Variants in SLC25A21 observed in about 807,000 individuals in gnomAD.
SLC25A21 encodes the protein mitochondrial 2-oxodicarboxylate carrier.
SLC25A21 carries 47 observed loss-of-function variants against 43.8 expected under a neutral mutation model. That is an observed-to-expected ratio of 1.07 (90% confidence interval 0.85 to 1.37). SLC25A21 has a LOEUF of 1.37. Among genes scored for constraint, SLC25A21 ranks in the 40% most tolerant of loss-of-function variants. The pLI is 0.00. For synonymous variants in SLC25A21, 131 were observed against 121.3 expected (o/e 1.08, Z -0.52); for missense variants, 352 against 350.2 (o/e 1.00, Z -0.04).
At chr14:36,759,536 T>C (rs1231605759) in intron 3 of SLC25A21, 1 of 152,188 alleles carries the variant, frequency 6.6e-6, no homozygotes, top group East Asian at 1.9e-4. Context: ...ACAAGTGAGC[T>C]CTCCTTGGCC....
chr14:37,040,562 A>T (rs910107353), intron 1 of SLC25A21, among the ~76,000 whole-genome samples: 4 of 151,790 alleles, frequency 2.6e-5, no homozygotes, highest in Non-Finnish European at 1.5e-5. Flanking sequence ...AAGAAGTGTA[A>T]ATTATATCGT....
intron 1 of SLC25A21, among the ~76,000 whole-genome samples, chr14:36,963,358 T>C (rs1959540598): frequency 6.6e-6 from 1 of 152,206 alleles, no homozygotes; most frequent in Non-Finnish European, 1.5e-5. Context: ...ATTATAGTGA[T>C]TCTGAACAGC....
chr14:36,798,971 T>C (rs897634250), intron 3 of SLC25A21, among the ~76,000 whole-genome samples: 1 of 151,970 alleles, frequency 6.6e-6, no homozygotes. Context: ...AAATAGGATA[T>C]GAGGGACTTA....
intron 3 of SLC25A21, among the ~76,000 whole-genome samples, chr14:36,766,027 C>T (rs1025986288): frequency 1.6e-5 from 2 of 125,392 alleles, no homozygotes; most frequent in African/African-American, 6.0e-5. Flanking sequence ...CAAGTCATTC[C>T]CTTCTTTTTT....
intron 3 of SLC25A21, among the ~76,000 whole-genome samples, chr14:36,790,651 C>T (rs923567334): frequency 1.3e-5 from 2 of 152,072 alleles, no homozygotes; most frequent in African/African-American, 4.8e-5. Context: ...GCCTGCAACA[C>T]TTTTGAGGTA....
chr14:36,910,318 G>T (rs1029040035), intron 1 of SLC25A21, among the ~76,000 whole-genome samples: 2 of 152,094 alleles, frequency 1.3e-5, no homozygotes, highest in African/African-American at 2.4e-5. Flanking sequence ...AAGCCTAGGG[G>T]GTTTTGAGTG....
At chr14:36,770,418 T>A (rs979264136) in intron 3 of SLC25A21, among the ~76,000 whole-genome samples, 22 of 152,120 alleles carry the variant, frequency 1.4e-4, no homozygotes, top group African/African-American at 5.3e-4. Context: ...TGTTGGATAA[T>A]ATGCTCACTA....
Position 36,892,883 on chromosome 14 carries a change from C to T in SLC25A21, c.71-17879G>A, listed in dbSNP as rs567680994. 2.4e-4 allele frequency among the ~76,000 whole-genome samples: 37 copies of T among 152,156 alleles called. No homozygotes were observed. The East Asian group carries it at 7.2e-3, about 30-fold the overall frequency. On this transcript the variant is annotated intron_variant, in intron 1 of 9. Coordinates refer to ENST00000331299, the MANE Select transcript of SLC25A21 (RefSeq NM_030631.4). ...TCCCTACAAAGGACATGAACTCATC[C>T]TTTTTTATGGCTGCATAGTATTCCA...
chr14:37,138,853 G>A (rs982671567), intron 1 of SLC25A21, among the ~76,000 whole-genome samples: 35 of 151,950 alleles, frequency 2.3e-4, no homozygotes, highest in Non-Finnish European at 4.4e-5. Context: ...GAATTTTTTG[G>A]TAAACTGTGT....
chr14:37,065,638 G>C (rs1449951908), intron 1 of SLC25A21, among the ~76,000 whole-genome samples: 4 of 152,194 alleles, frequency 2.6e-5, no homozygotes, highest in Admixed American at 6.5e-5. Flanking sequence ...TTGCTGAGCA[G>C]ATTAAGGAGG....
chr14:36,957,261 G>C (rs2022717), intron 1 of SLC25A21, among the ~76,000 whole-genome samples: 67,344 of 151,994 alleles, frequency 0.44, 15,485 homozygotes, highest in African/African-American at 0.54. Flanking sequence ...CAAGGAAGGG[G>C]CAATGCAAAC....
intron 7 of SLC25A21, among the ~76,000 whole-genome samples, chr14:36,702,547 C>T (rs2139172459): frequency 6.6e-6 from 1 of 151,846 alleles, no homozygotes; most frequent in Non-Finnish European, 1.5e-5. Flanking sequence ...ACACCATCTC[C>T]CTGCCCCATC....
chr14:37,051,643 T>A (rs1363792307), intron 1 of SLC25A21, among the ~76,000 whole-genome samples: 1 of 152,114 alleles, frequency 6.6e-6, no homozygotes, highest in Non-Finnish European at 1.5e-5. Flanking sequence ...GCTACTTCAA[T>A]ACCGAGGGAT....
chr14:36,709,073 G>C (rs1883714909), intron 7 of SLC25A21, among the ~76,000 whole-genome samples: 1 of 151,230 alleles, frequency 6.6e-6, no homozygotes, highest in Non-Finnish European at 1.5e-5. Flanking sequence ...AATGGCGCCA[G>C]CTCGGCTCAC....
intron 1 of SLC25A21, among the ~76,000 whole-genome samples, chr14:37,165,735 C>CA (rs1387363615): frequency 1.3e-5 from 2 of 152,080 alleles, no homozygotes; most frequent in Non-Finnish European, 2.9e-5. Flanking sequence ...AGGTTGGGTA[C>CA]AAAATCCCTG....
At position 36,680,625 on chromosome 14, in the gene SLC25A21, T is replaced by TTATC; in HGVS notation, c.*29_*32dup. The TTATC allele has an allele frequency of 6.2e-7, 1 of 1,609,524 alleles. No homozygotes were observed. Among genetic ancestry groups the TTATC allele is most frequent in the Non-Finnish European group, 8.5e-7 (1 of 1,177,934 alleles). On this transcript the variant is annotated 3_prime_UTR_variant, in exon 10 of 10. Coordinates refer to ENST00000331299, the MANE Select transcript of SLC25A21 (RefSeq NM_030631.4). ...CATGGTGCTGCATAGCAAATATCCA[T>TTATC]TATCTCAAGGGGGAAAAACACTTCA...
chr14:37,032,306 C>T (rs1961230598), intron 1 of SLC25A21, among the ~76,000 whole-genome samples: 1 of 152,032 alleles, frequency 6.6e-6, no homozygotes, highest in African/African-American at 2.4e-5. Flanking sequence ...GAGGCTGAGG[C>T]TGGTGGATCA....
At chr14:36,745,430 C>T (rs1885454972) in intron 3 of SLC25A21, among the ~76,000 whole-genome samples, 1 of 152,140 alleles carries the variant, frequency 6.6e-6, no homozygotes, top group Admixed American at 6.5e-5. Context: ...CTGTCTTCCA[C>T]AATGGTTGAA....
intron 1 of SLC25A21, among the ~76,000 whole-genome samples, chr14:36,960,548 C>G (rs1370797108): frequency 6.6e-6 from 1 of 152,088 alleles, no homozygotes; most frequent in Admixed American, 6.6e-5. Flanking sequence ...ATAATACAAA[C>G]TCTGTGCTGA....
Sources: allele counts gnomAD v4.1 joint callset (sites outside exome capture counted in the v4.1 genomes callset), GRCh38; gene constraint gnomAD v4.1.1; transcripts MANE v1.5; gene names NCBI Gene and HGNC (gene_info 2026-07-23, HGNC 2026-07-21).